SEMA3A: variants seen among roughly 807,000 people sequenced by gnomAD.
The protein encoded by SEMA3A is semaphorin-3A.
SEMA3A carries 29 observed loss-of-function variants against 97.9 expected under a neutral mutation model. The observed-to-expected ratio is 0.30, with a 90% CI of 0.22 to 0.40. The LOEUF is 0.40. SEMA3A is among the 10% of genes least tolerant of loss of function. The pLI is 1.00. For synonymous variants in SEMA3A, 321 were observed against 323.7 expected, an observed-to-expected ratio of 0.99 and a Z score of 0.09; for missense variants, 763 against 951.3, an observed-to-expected ratio of 0.80 and a Z score of 2.60.
chr7:84,062,114 A>T (rs1425369934), intron 4 of SEMA3A, among the ~76,000 whole-genome samples: 2 of 152,224 alleles, frequency 1.3e-5, no homozygotes, highest in Non-Finnish European at 2.9e-5. Flanking sequence ...GCAAAATTTT[A>T]AAAATGCTAT....
chr7:84,090,339 G>T (rs930190617), intron 4 of SEMA3A, among the ~76,000 whole-genome samples: 1 of 152,102 alleles, frequency 6.6e-6, no homozygotes, highest in African/African-American at 2.4e-5. Context: ...ATGACTGCTA[G>T]ATACACTCCC....
Position 84,007,370 on chromosome 7 carries a change from AG to A in SEMA3A, c.1122del (p.Tyr375IlefsTer26). On this transcript the variant is annotated frameshift_variant, in exon 10 of 17. Transcript: ENST00000265362. LOFTEE classifies it high-confidence loss of function. Reference protein sequence around the residue: ...YQWVPYQGRVPYPRPGTCPSK... With the variant: ...YQWVPYQGRVXYPRPGTCPSK... ...CTACTTACAGTTCCTGGCCGTGGAT[AG>A]GGGACTCTTCCTTGATAAGGCACCC... is the stretch of plus-strand genomic sequence containing the variant. The A allele has an allele frequency of 1.2e-6, 2 of 1,606,166 alleles. No homozygotes were observed. The highest frequency in any genetic ancestry group is 1.7e-6 in the Non-Finnish European group (2 of 1,176,354).
intron 1 of SEMA3A, among the ~76,000 whole-genome samples, chr7:84,183,746 C>T (rs570348974): frequency 6.6e-5 from 10 of 152,062 alleles, no homozygotes; most frequent in Non-Finnish European, 8.8e-5. Flanking sequence ...AATATAAAAA[C>T]GCAATAACTC....
intron 2 of SEMA3A, among the ~76,000 whole-genome samples, chr7:84,368,573 A>G (rs1802904172): frequency 6.6e-6 from 1 of 151,072 alleles, no homozygotes; most frequent in Admixed American, 6.6e-5. Context: ...GTATATACAT[A>G]TAAACATACT....
At chr7:84,079,913 T>C (rs1435665664) in intron 4 of SEMA3A, among the ~76,000 whole-genome samples, 1 of 147,800 alleles carries the variant, frequency 6.8e-6, no homozygotes, top group Non-Finnish European at 1.5e-5. Context: ...CGTATGTTTA[T>C]TGGGGCACTA....
chr7:84,470,753 C>T (rs1006193870), intron 1 of SEMA3A, among the ~76,000 whole-genome samples: 4 of 151,912 alleles, frequency 2.6e-5, no homozygotes, highest in Non-Finnish European at 5.9e-5. Flanking sequence ...AGCATTAGCT[C>T]TAGAAGAATA....
At position 84,228,312 on chromosome 7, in the gene SEMA3A, G is replaced by A. The variant is rs571427805; in HGVS notation, c.-82-33644C>T. On this transcript the variant is annotated intron_variant, in intron 3 of 3. Coordinates refer to the SEMA3A transcript ENST00000424555. ...GGACCTTAAGGAGGCTACAAATACCGTACCCCATCACACAAATATTCTGTA... is the reference window on the plus strand; with the variant it reads ...GGACCTTAAGGAGGCTACAAATACCATACCCCATCACACAAATATTCTGTA... 3.1e-4 allele frequency among the ~76,000 whole-genome samples: 47 copies of A among 152,014 alleles called. 1 individual carries two copies. Among genetic ancestry groups the A allele is most frequent in the Admixed American group, 2.8e-3 (42 of 15,254 alleles).
intron 1 of SEMA3A, among the ~76,000 whole-genome samples, chr7:84,409,067 GTA>G (rs1338697780): frequency 6.8e-6 from 1 of 147,252 alleles, no homozygotes. Flanking sequence ...ATATATATAT[GTA>G]TATATATATT....
At chr7:84,327,265 C>T (rs1422709098) in intron 2 of SEMA3A, among the ~76,000 whole-genome samples, 1 of 151,518 alleles carries the variant, frequency 6.6e-6, no homozygotes, top group South Asian at 2.1e-4. Context: ...TAATTCTAGG[C>T]CATTAGGTAT....
In SEMA3A at chr7:84,129,153, A is replaced by G. The variant is rs750856974; in HGVS notation, c.303T>C (p.Asp101=). The change falls in exon 3 of 17, where the codon GAT becomes GAC. Residue 101 remains aspartate (D), a synonymous_variant. Coordinates refer to ENST00000265362, the MANE Select transcript of SEMA3A (RefSeq NM_006080.3). ...TGTCTTTTCCAGCCCACTTGCATTC[A>G]TCTCTTCTGGTGTAAGATACTGGCC... ...IVWPVSYTRR[D]ECKWAGKDIL... 3 of 1,613,232 alleles carry G rather than the reference A, an allele frequency of 1.9e-6. No homozygotes were observed. The highest frequency in any genetic ancestry group is 2.5e-6 in the Non-Finnish European group (3 of 1,179,268).
intron 1 of SEMA3A, among the ~76,000 whole-genome samples, chr7:84,459,693 A>G (rs1805774810): frequency 6.6e-6 from 1 of 152,196 alleles, no homozygotes; most frequent in South Asian, 2.1e-4. Context: ...AATCTTAAGG[A>G]ATAAATTTTT....
chr7:84,023,994 G>A (rs1404573839), intron 6 of SEMA3A, among the ~76,000 whole-genome samples: 4 of 144,358 alleles, frequency 2.8e-5, no homozygotes, highest in African/African-American at 7.9e-5. Context: ...CCTGGGCAAC[G>A]GAGCGAGACT....
chr7:84,302,624 T>C (rs1476007803), intron 3 of SEMA3A, among the ~76,000 whole-genome samples: 1 of 152,186 alleles, frequency 6.6e-6, no homozygotes, highest in East Asian at 1.9e-4. Flanking sequence ...ACAGATTTTA[T>C]TGGTAGAACG....
At chr7:83,964,613 C>T (rs1788598963) in intron 15 of SEMA3A, among the ~76,000 whole-genome samples, 1 of 152,188 alleles carries the variant, frequency 6.6e-6, no homozygotes, top group Non-Finnish European at 1.5e-5. Flanking sequence ...CCTTCAATTG[C>T]TGTCTACAGA....
intron 2 of SEMA3A, among the ~76,000 whole-genome samples, chr7:84,350,308 C>T (rs1802406036): frequency 6.6e-6 from 1 of 151,978 alleles, no homozygotes; most frequent in South Asian, 2.1e-4. Flanking sequence ...CATGATAGGG[C>T]CTGGCTAGGT....
intron 13 of SEMA3A, among the ~76,000 whole-genome samples, chr7:83,983,074 A>C (rs1789481483): frequency 6.6e-6 from 1 of 152,056 alleles, no homozygotes; most frequent in South Asian, 2.1e-4. Flanking sequence ...TGCTATATTC[A>C]ACTTTTATTA....
intron 3 of SEMA3A, among the ~76,000 whole-genome samples, chr7:84,111,697 G>A (rs964345784): frequency 2.6e-5 from 4 of 152,218 alleles, no homozygotes; most frequent in African/African-American, 9.6e-5. Context: ...CCTAACATAT[G>A]CTGAGTACTT....
chr7:84,143,715 C>T (rs1302177656), intron 1 of SEMA3A, among the ~76,000 whole-genome samples: 3 of 150,948 alleles, frequency 2.0e-5, no homozygotes, highest in African/African-American at 4.9e-5. Context: ...AGTTGCTGTG[C>T]GTGCTTCAGG....
chr7:84,210,387 T>C (rs757357410), intron 3 of SEMA3A, among the ~76,000 whole-genome samples: 4 of 151,638 alleles, frequency 2.6e-5, no homozygotes, highest in Admixed American at 2.0e-4. Context: ...TGAAGAAAAA[T>C]GGAAGAGGTC....
Sources: allele counts gnomAD v4.1 joint callset (sites outside exome capture counted in the v4.1 genomes callset), GRCh38; gene constraint gnomAD v4.1.1; transcripts MANE v1.5; gene names NCBI Gene and HGNC (gene_info 2026-07-23, HGNC 2026-07-21).